Variants in ZBED6 observed in about 807,000 individuals in gnomAD.
ZBED6 encodes zinc finger BED-type containing 6, also known as zinc finger BED domain-containing protein 6.
Under a neutral mutation model 58.4 loss-of-function variants are expected in ZBED6, and 40 were observed. The ratio of observed to expected loss-of-function variants is 0.68; its 90% CI spans 0.53 to 0.89. The LOEUF (loss-of-function observed/expected upper bound fraction) is 0.89, where lower values mean the gene tolerates loss of function less well. Ranked by LOEUF, ZBED6 falls within the 40% of genes least tolerant of loss-of-function variation. The pLI is 0.00. For missense variants in ZBED6, 1,057 were observed against 1,003.9 expected (o/e 1.05, Z -0.71); for synonymous variants, 439 against 350.6 (o/e 1.25, Z -2.82).
At chr1:203,829,854 C>T (rs921077842) in exon 6 of ZBED6, 3 of 1,613,984 alleles carry the variant, frequency 1.9e-6, no homozygotes, top group African/African-American at 2.7e-5. Context: ...CAATGGATTA[C>T]GAGTGACTTC....
intron 10 of ZBED6, among the ~76,000 whole-genome samples, 158 bp downstream of exon 10, chr1:203,838,222 T>A (rs1684976192): frequency 6.6e-6 from 1 of 152,250 alleles, no homozygotes; most frequent in Non-Finnish European, 1.5e-5. Context: ...CTTAGTCTGC[T>A]AGATTCTGGG....
intron 3 of ZBED6, among the ~76,000 whole-genome samples, chr1:203,827,612 G>A (rs1680968156): frequency 1.3e-5 from 2 of 151,866 alleles, no homozygotes; most frequent in Admixed American, 1.3e-4. Context: ...AACCCGGGAG[G>A]CGGAGCTTGC....
At position 203,840,413 on chromosome 1, in the gene ZBED6, C is replaced by A. The variant is rs372562453; in HGVS notation, c.*3741+39C>A. The A allele has an allele frequency of 2.5e-6, 4 of 1,590,478 alleles. No individual in the cohort carries two copies. The South Asian group carries it at 4.6e-5, about 18-fold the overall frequency. The stretch of plus-strand genomic sequence containing the variant: ...AAGACCAGATTCTGATTATTTTTTT[C>A]TTTGCTGTAAGAGCCTTTGCTTTTT... On this transcript the variant is annotated intron_variant, in intron 11 of 16. Coordinates refer to ENST00000550078, the Ensembl canonical transcript of ZBED6.
chr1:203,798,788 G>A (rs1242123540), exon 1 of ZBED6: 2 of 1,536,152 alleles, frequency 1.3e-6, no homozygotes, highest in Non-Finnish European at 1.7e-6. Flanking sequence ...TGGAGGATAT[G>A]CATCCTTACA....
intron 3 of ZBED6, among the ~76,000 whole-genome samples, chr1:203,821,505 A>C (rs192669114): frequency 6.6e-6 from 1 of 152,034 alleles, no homozygotes; most frequent in Non-Finnish European, 1.5e-5. Context: ...TGATGTTTCC[A>C]TCATTCTTTG....
exon 1 of ZBED6, chr1:203,801,550 C>T (rs1453127730): frequency 6.6e-6 from 1 of 152,424 alleles, no homozygotes; most frequent in Non-Finnish European, 1.5e-5. Context: ...TGTGAGATCC[C>T]AATTTTTCCT....
intron 11 of ZBED6, among the ~76,000 whole-genome samples, chr1:203,846,569 T>C (rs1000412682): frequency 3.3e-5 from 5 of 152,250 alleles, no homozygotes; most frequent in Non-Finnish European, 7.3e-5. Context: ...AGTTTAATTA[T>C]TGATCTGTTA....
chr1:203,800,490 A>C (rs925177863), exon 1 of ZBED6: 3 of 1,459,998 alleles, frequency 2.1e-6, no homozygotes, highest in Non-Finnish European at 2.7e-6. Context: ...AAAATGGGCA[A>C]CTTTTTGCTG....
At chr1:203,852,718 A>T (rs1689559787) in exon 17 of ZBED6, 1 of 340,436 alleles carries the variant, frequency 2.9e-6, no homozygotes, top group Admixed American at 4.6e-5. Context: ...TGACTCCTTG[A>T]GGTGTTTGTC....
At chr1:203,819,151 TAC>T (rs776505254) in intron 3 of ZBED6, among the ~76,000 whole-genome samples, 51 of 145,940 alleles carry the variant, frequency 3.5e-4, no homozygotes, top group Non-Finnish European at 3.9e-4. Context: ...TGTGTGTATA[TAC>T]ACACACGTGT....
intron 11 of ZBED6, among the ~76,000 whole-genome samples, chr1:203,841,815 C>T (rs562181374): frequency 1.6e-3 from 229 of 142,890 alleles, no homozygotes; most frequent in African/African-American, 5.4e-3. Flanking sequence ...GGGCGGCTGC[C>T]GGGCGGAGGG....
intron 3 of ZBED6, among the ~76,000 whole-genome samples, chr1:203,826,944 A>G (rs942613345): frequency 1.3e-5 from 2 of 150,970 alleles, no homozygotes; most frequent in East Asian, 1.9e-4. Flanking sequence ...GCAGTAATCT[A>G]TCTTCCCCTT....
chr1:203,840,938 A>G lies in ZBED6; in HGVS notation c.*3741+564A>G, dbSNP rs562266929. On this transcript the variant is annotated intron_variant, in intron 11 of 16. Transcript: ENST00000550078. ...CACGAGCCACCGCACCCGGCTAAAT[A>G]GTAGGAAATTAGAAACAACTTAAAT... Among the ~76,000 whole-genome samples, 584 of 152,232 alleles carry G rather than the reference A, an allele frequency of 3.8e-3. 2 individuals carry two copies. The highest frequency in any genetic ancestry group is 6.8e-3 in the Middle Eastern group (2 of 294).
chr1:203,834,427 A>C (rs1301156756), intron 9 of ZBED6, among the ~76,000 whole-genome samples: 1 of 151,490 alleles, frequency 6.6e-6, no homozygotes, highest in Non-Finnish European at 1.5e-5. Context: ...CTACACCACC[A>C]TACCTGGCTA....
chr1:203,846,133 A>G (rs2103377788), intron 11 of ZBED6, among the ~76,000 whole-genome samples: 1 of 146,354 alleles, frequency 6.8e-6, no homozygotes, highest in Admixed American at 6.8e-5. Flanking sequence ...AAAAAAAAAA[A>G]AAGATTTTGA....
At chr1:203,807,767 G>C (rs180814247) in intron 1 of ZBED6, among the ~76,000 whole-genome samples, 13 of 151,670 alleles carry the variant, frequency 8.6e-5, no homozygotes, top group Admixed American at 3.3e-4. Flanking sequence ...TTTGAGAGAG[G>C]GTCTTGCTCT....
At chr1:203,805,974 C>T (rs1672190220) in intron 1 of ZBED6, 1 of 599,054 alleles carries the variant, frequency 1.7e-6, no homozygotes, top group Non-Finnish European at 3.2e-6. Flanking sequence ...TGGTATCCTT[C>T]AATGACTGGA....
At chr1:203,807,044 T>G (rs951433318) in intron 1 of ZBED6, among the ~76,000 whole-genome samples, 2 of 151,996 alleles carry the variant, frequency 1.3e-5, no homozygotes, top group Non-Finnish European at 2.9e-5. Context: ...GTAGTGTTAT[T>G]TATTTTATTT....
intron 10 of ZBED6, among the ~76,000 whole-genome samples, chr1:203,838,547 T>C (rs1440480878): frequency 2.6e-5 from 4 of 152,228 alleles, no homozygotes; most frequent in African/African-American, 9.6e-5. Context: ...GAACTGCATA[T>C]GGCTGAAACA....
Sources: gnomAD v4.1 joint callset for allele counts (sites outside exome capture counted in the v4.1 genomes callset) on GRCh38, gnomAD v4.1.1 for gene constraint, MANE v1.5 for transcripts, NCBI Gene and HGNC (gene_info 2026-07-23, HGNC 2026-07-21) for gene names.